Variants in CADPS2 observed in about 807,000 individuals in gnomAD.
CADPS2 encodes calcium-dependent secretion activator 2.
CADPS2 carries 93 observed loss-of-function variants against 172.5 expected under a neutral mutation model. The ratio of observed to expected loss-of-function variants is 0.54; its 90% CI spans 0.46 to 0.64. The LOEUF (loss-of-function observed/expected upper bound fraction) is 0.64, where lower values mean the gene tolerates loss of function less well. Ranked by LOEUF, CADPS2 falls within the 30% of genes least tolerant of loss-of-function variation. CADPS2 has a pLI of 0.00. For synonymous variants in CADPS2, 546 were observed against 555.2 expected, an observed-to-expected ratio of 0.98 and a Z score of 0.23; for missense variants, 1,420 against 1,565.9, an observed-to-expected ratio of 0.91 and a Z score of 1.57.
In CADPS2 at chr7:122,581,197, T is replaced by C. The variant is rs1297484983; in HGVS notation, c.1317A>G (p.Glu439=). ...AACTCACCCTTCCCAGTTCTTTATC[T>C]TCCAGGGCCAGAACTCCAGTGCTTT... ...FTESTGVLAL[E]DKELGRVILY... is the part of the protein sequence containing the mutation. Residue 439 remains glutamate, a synonymous_variant, in exon 7 of 30, where the codon GAA becomes GAG. Coordinates refer to ENST00000449022, the MANE Select transcript of CADPS2 (RefSeq NM_017954.11). 2.5e-6 allele frequency: 4 copies of C among 1,613,048 alleles called. No homozygotes were observed. The highest frequency in any genetic ancestry group is 3.4e-6 in the Non-Finnish European group (4 of 1,179,364).
chr7:122,612,032 A>G (rs2074362350), intron 6 of CADPS2, among the ~76,000 whole-genome samples: 1 of 152,088 alleles, frequency 6.6e-6, no homozygotes, highest in African/African-American at 2.4e-5. Flanking sequence ...AAAACAGTCA[A>G]TAAACTAGGA....
intron 1 of CADPS2, among the ~76,000 whole-genome samples, chr7:122,832,276 T>G (rs1584745836): frequency 6.7e-6 from 1 of 149,604 alleles, no homozygotes; most frequent in South Asian, 2.1e-4. Context: ...GAAAAAAAAC[T>G]GGAGATAGAC....
chr7:122,336,020 A>C (rs1334273451), intron 28 of CADPS2, among the ~76,000 whole-genome samples: 1 of 152,214 alleles, frequency 6.6e-6, no homozygotes, highest in Non-Finnish European at 1.5e-5. Context: ...TTAAGACAGC[A>C]AAATTTAGAT....
At position 122,586,987 on chromosome 7, in the gene CADPS2, A is replaced by C. The variant is rs1241174257; in HGVS notation, c.1224-5697T>G. On this transcript the variant is annotated intron_variant, in intron 6 of 29. Transcript: ENST00000449022. ...ATCAAATAAAAATGACATATATTCC[A>C]AATGCATCACTAATTTTATAACAGA... Among the ~76,000 whole-genome samples, 3 of 151,980 alleles carry C rather than the reference A, an allele frequency of 2.0e-5. No homozygotes were observed. In the East Asian group the frequency reaches 5.8e-4, roughly 29 times the overall value.
intron 2 of CADPS2, among the ~76,000 whole-genome samples, chr7:122,710,348 C>A (rs1321944199): frequency 6.6e-6 from 1 of 152,028 alleles, no homozygotes; most frequent in Non-Finnish European, 1.5e-5. Context: ...ACGATGACAA[C>A]AACATGAGCA....
chr7:122,685,405 G>A (rs984081557), intron 2 of CADPS2, among the ~76,000 whole-genome samples: 7 of 152,168 alleles, frequency 4.6e-5, no homozygotes, highest in African/African-American at 7.2e-5. Flanking sequence ...TTCTTCAAGC[G>A]TTTGATGGCA....
intron 8 of CADPS2, among the ~76,000 whole-genome samples, chr7:122,554,054 T>C (rs2064682090): frequency 1.3e-5 from 2 of 152,102 alleles, no homozygotes; most frequent in East Asian, 1.9e-4. Context: ...CAGTAGCAGT[T>C]TTCTCCAATA....
At chr7:122,521,343 C>A (rs2060774826) in intron 8 of CADPS2, among the ~76,000 whole-genome samples, 2 of 152,012 alleles carry the variant, frequency 1.3e-5, no homozygotes, top group South Asian at 4.2e-4. Context: ...GAAGTGAAAA[C>A]CAATAGGGAC....
intron 1 of CADPS2, among the ~76,000 whole-genome samples, chr7:122,819,011 C>T (rs904020715): frequency 1.3e-5 from 2 of 152,154 alleles, no homozygotes; most frequent in African/African-American, 2.4e-5. Flanking sequence ...AGCCCTCAAA[C>T]CCCACAACAG....
intron 11 of CADPS2, among the ~76,000 whole-genome samples, chr7:122,481,567 C>G (rs2057309150): frequency 6.6e-6 from 1 of 151,570 alleles, no homozygotes; most frequent in Non-Finnish European, 1.5e-5. Flanking sequence ...TGGAGAAACC[C>G]CATCTCTATT....
chr7:122,721,670 T>C (rs2090423096), intron 2 of CADPS2, among the ~76,000 whole-genome samples: 1 of 151,854 alleles, frequency 6.6e-6, no homozygotes, highest in African/African-American at 2.4e-5. Flanking sequence ...AAAGAGGGAA[T>C]CCTCCCTAAC....
chr7:122,882,254 GGAGT>G (rs1431664480), intron 1 of CADPS2, among the ~76,000 whole-genome samples: 2 of 152,230 alleles, frequency 1.3e-5, no homozygotes, highest in East Asian at 3.9e-4. Flanking sequence ...CAAAGTGGTA[GGAGT>G]GATTATACAA....
Position 122,702,706 on chromosome 7 carries a change from T to G in CADPS2, c.453+34249A>C, listed in dbSNP as rs745365874. ...AGATACTAAGCCTCAAAAGTCCAGA[T>G]GAAACAGAACTATGCGTCGAAGGGG... On this transcript the variant is annotated intron_variant, in intron 2 of 29. Coordinates refer to ENST00000449022, the MANE Select transcript of CADPS2 (RefSeq NM_017954.11). 2.0e-5 allele frequency: 32 copies of G among 1,612,300 alleles called. 1 individual carries two copies. The South Asian group carries it at 3.5e-4, about 18-fold the overall frequency.
chr7:122,391,729 A>G (rs114530574), intron 22 of CADPS2, among the ~76,000 whole-genome samples: 3,378 of 152,258 alleles, frequency 0.022, 135 homozygotes, highest in African/African-American at 0.077. Flanking sequence ...TTTGCAAGTT[A>G]TTCTCTTTCT....
chr7:122,551,753 C>T (rs1276954704), intron 8 of CADPS2, among the ~76,000 whole-genome samples: 1 of 152,012 alleles, frequency 6.6e-6, no homozygotes, highest in Non-Finnish European at 1.5e-5. Flanking sequence ...AAATTATTAT[C>T]CATCTGTTAA....
At chr7:122,715,996 TAGA>T (rs2089541437) in intron 2 of CADPS2, among the ~76,000 whole-genome samples, 1 of 152,114 alleles carries the variant, frequency 6.6e-6, no homozygotes, top group African/African-American at 2.4e-5. Flanking sequence ...TCAAAATTGC[TAGA>T]AGAATACATT....
At chr7:122,451,562 G>A in intron 14 of CADPS2, 87 bp from the exon 15 acceptor site, 1 of 724,558 alleles carries the variant, frequency 1.4e-6, no homozygotes, top group Non-Finnish European at 2.1e-6. Flanking sequence ...AAAAATCCAA[G>A]GAAAAGTTCA....
chr7:122,661,346 A>G (rs1466335382), intron 3 of CADPS2, among the ~76,000 whole-genome samples: 2 of 152,144 alleles, frequency 1.3e-5, no homozygotes, highest in African/African-American at 4.8e-5. Flanking sequence ...GAAGACTAAA[A>G]CCAGGGTGCC....
chr7:122,579,093 G>T (rs989045240), intron 7 of CADPS2, among the ~76,000 whole-genome samples: 5 of 152,040 alleles, frequency 3.3e-5, no homozygotes, highest in African/African-American at 1.2e-4. Flanking sequence ...ACACAAATCT[G>T]AATCTACAAG....
Sources: gnomAD v4.1 joint callset for allele counts (sites outside exome capture counted in the v4.1 genomes callset) on GRCh38, gnomAD v4.1.1 for gene constraint, MANE v1.5 for transcripts, NCBI Gene and HGNC (gene_info 2026-07-23, HGNC 2026-07-21) for gene names.